The following ZNF22 variants were observed in gnomAD, a reference collection of about 807,000 sequenced individuals.
ZNF22 encodes the protein krox-26 protein.
ZNF22 carries 15 observed loss-of-function variants against 17.0 expected under a neutral mutation model. The ratio of observed to expected loss-of-function variants is 0.88; its 90% confidence interval spans 0.59 to 1.36. The LOEUF (loss-of-function observed/expected upper bound fraction) is 1.36, where lower values mean the gene tolerates loss of function less well. Ranked by LOEUF, ZNF22 falls within the 40% of genes most tolerant of loss-of-function variation. ZNF22 has a pLI of 0.00. For missense variants in ZNF22, 272 were observed against 276.1 expected (o/e 0.98, Z 0.11); for synonymous variants, 84 against 90.7 (o/e 0.93, Z 0.42).
chr10:45,003,224 G>GAT, intron 1 of ZNF22, 56 bp from the exon 2 acceptor site: 1 of 643,628 alleles, frequency 1.6e-6, no homozygotes, highest in Non-Finnish European at 2.5e-6. Flanking sequence ...ATAGTTAACA[G>GAT]ATATCTGTAA....
Position 45,004,097 on chromosome 10 carries a change from A to G in ZNF22, c.*54A>G. ...ACCTCTTAAGAAAAAATAAAAAGTA[A>G]AAAATGAAAGGAATCTTTTTTAGAA... is the stretch of plus-strand genomic sequence containing the variant. On this transcript the variant is annotated 3_prime_UTR_variant, in exon 2 of 2. Transcript: ENST00000298299. 6.6e-7 allele frequency: 1 copy of G among 1,509,896 alleles called. No homozygotes were observed. The highest frequency in any genetic ancestry group is 8.9e-7 in the Non-Finnish European group (1 of 1,126,996). The allele number at this position is 1,509,896 out of a possible 1,614,324, so 93.5% of individuals were successfully genotyped here. A position where few individuals can be genotyped will look rare whatever the true frequency, so the allele number is the denominator to read the frequency against.
At chr10:45,001,758 G>GA (rs1289094973) in intron 1 of ZNF22, among the ~76,000 whole-genome samples, 1 of 152,158 alleles carries the variant, frequency 6.6e-6, no homozygotes, top group African/African-American at 2.4e-5. Flanking sequence ...GTTACACAGT[G>GA]TCTGGCACAT....
At chr10:45,001,848 C>T (rs1842336165) in intron 1 of ZNF22, among the ~76,000 whole-genome samples, 2 of 150,968 alleles carry the variant, frequency 1.3e-5, no homozygotes, top group South Asian at 2.1e-4. Flanking sequence ...GTATTAAATG[C>T]GTGTGCTTTT....
intron 1 of ZNF22, among the ~76,000 whole-genome samples, chr10:45,001,517 G>C (rs1204617984): frequency 2.0e-5 from 3 of 152,152 alleles, no homozygotes; most frequent in African/African-American, 4.8e-5. Context: ...TGTCACTCAG[G>C]TTTAACTTCG....
rs752505124 is a variant in ZNF22 at position 45,003,450 on chromosome 10, C to T, written c.82C>T (p.Arg28Trp). 1.1e-5 allele frequency: 18 copies of T among 1,614,062 alleles called. No homozygotes were observed. The highest frequency in any genetic ancestry group is 2.7e-5 in the African/African-American group (2 of 74,922). Residue 28 changes from arginine (R) to tryptophan (W), a missense_variant, in exon 2 of 2, where the codon CGG becomes TGG. Coordinates refer to ENST00000298299, the MANE Select transcript of ZNF22 (RefSeq NM_006963.5). ...CTATGAGAACAAGCGCAAAACAGGCCGGCAGCGGCAGAAGTGGGGCATGAC... is the reference window on the plus strand; with the variant it reads ...CTATGAGAACAAGCGCAAAACAGGCTGGCAGCGGCAGAAGTGGGGCATGAC... ...KAYENKRKTG[R>W]QRQKWGMTIR...
intron 1 of ZNF22, chr10:45,002,803 A>G (rs1302663232): frequency 6.6e-6 from 1 of 152,404 alleles, no homozygotes; most frequent in East Asian, 1.9e-4. Flanking sequence ...TCATTTGGAT[A>G]CCTTAGGCAG....
At position 45,004,666 on chromosome 10, in the gene ZNF22, G is replaced by A. The variant is rs1265174360; in HGVS notation, c.*623G>A. ...GGACAGTTGTTAATGAAAGGAGTAA[G>A]GATTTCCCTTTTTTTGTTTTGTTTG... On this transcript the variant is annotated 3_prime_UTR_variant, in exon 2 of 2. Transcript: ENST00000298299. 1.2e-5 allele frequency: 2 copies of A among 166,578 alleles called. No individual in the cohort carries two copies. Among genetic ancestry groups the A allele is most frequent in the African/African-American group, 4.8e-5 (2 of 41,410 alleles). The allele number at this position is 166,578 out of a possible 1,614,324, so 10.3% of individuals were successfully genotyped here. A position where few individuals can be genotyped will look rare whatever the true frequency, so the allele number is the denominator to read the frequency against.
chr10:45,002,105 A>T (rs980144928), intron 1 of ZNF22: 1 of 152,248 alleles, frequency 6.6e-6, no homozygotes, highest in Non-Finnish European at 1.5e-5. Flanking sequence ...CAATAAGATG[A>T]AAGGAAGGCA....
chr10:45,003,960 C>T lies in ZNF22; in HGVS notation c.592C>T (p.Arg198Trp), dbSNP rs867738898. The T allele has an allele frequency of 1.9e-6, 3 of 1,614,042 alleles. No homozygotes were observed. Among genetic ancestry groups the T allele is most frequent in the African/African-American group, 1.3e-5 (1 of 75,008 alleles). Residue 198 changes from arginine to tryptophan, a missense_variant, in exon 2 of 2, where the codon CGG (arginine) becomes TGG (tryptophan). Transcript: ENST00000298299. The stretch of plus-strand genomic sequence containing the variant: ...TAAAGAAGAGAAGCCTCGTAAAACC[C>T]GGGGCAAAAATATCAGGGTGAAGAC... ...VHKEEKPRKTRGKNIRVKTHL... is the reference protein window; with the variant it reads ...VHKEEKPRKTWGKNIRVKTHL...
In ZNF22 at chr10:45,004,859, C is replaced by T. The variant is rs1028492264; in HGVS notation, c.*816C>T. 7.8e-5 allele frequency: 13 copies of T among 167,084 alleles called. No individual in the cohort carries two copies. The highest frequency in any genetic ancestry group is 3.1e-4 in the African/African-American group (13 of 41,450). The allele number at this position is 167,084 out of a possible 1,614,324, so 10.4% of individuals were successfully genotyped here. On this transcript the variant is annotated 3_prime_UTR_variant, in exon 2 of 2. Coordinates refer to ENST00000298299, the MANE Select transcript of ZNF22 (RefSeq NM_006963.5). The stretch of plus-strand genomic sequence containing the variant: ...ATTCATGTCGATACATCCCCATGCC[C>T]TTGACCTCTTCTGGCATTCTCCTGT...
intron 1 of ZNF22, 146 bp from the exon 2 acceptor site, chr10:45,003,134 T>C (rs1002573003): frequency 2.7e-6 from 1 of 376,348 alleles, no homozygotes; most frequent in Non-Finnish European, 4.7e-6. Context: ...TTTCCCCCCA[T>C]ATTATCTTTG....
At position 45,000,971 on chromosome 10, in the gene ZNF22, C is replaced by T. The variant is rs1588860003; in HGVS notation, c.-97C>T. ...CCAGCGAGCCAGAGTGGTGGCTGGT[C>T]CCGCGCGGTGAGTGGGATTGGGGCA... is the stretch of plus-strand genomic sequence containing the variant. On this transcript the variant is annotated 5_prime_UTR_variant, in exon 1 of 2. Transcript: ENST00000298299. The T allele has an allele frequency of 2.4e-6, 2 of 842,430 alleles. No individual in the cohort carries two copies. Among genetic ancestry groups the T allele is most frequent in the South Asian group, 2.4e-5 (1 of 41,898 alleles). 52.2% of individuals were successfully genotyped at this position (842,430 alleles called of 1,614,324 possible). A position where few individuals can be genotyped will look rare whatever the true frequency, so the allele number is the denominator to read the frequency against.
intron 1 of ZNF22, chr10:45,002,614 A>G (rs1842343413): frequency 1.3e-5 from 2 of 152,254 alleles, no homozygotes; most frequent in South Asian, 2.1e-4. Flanking sequence ...AAAACCAATA[A>G]TAAAGCGTGT....
Position 45,004,167 on chromosome 10 carries a change from C to A in ZNF22, c.*124C>A. ...GATCACTTAAATACTGGATCTTTTG[C>A]TAGTGTGAAAACATTGGGAATTTAA... On this transcript the variant is annotated 3_prime_UTR_variant, in exon 2 of 2. Transcript: ENST00000298299. 9.3e-7 allele frequency: 1 copy of A among 1,071,476 alleles called. No individual in the cohort carries two copies. The highest frequency in any genetic ancestry group is 1.3e-6 in the Non-Finnish European group (1 of 766,332). The allele number at this position is 1,071,476 out of a possible 1,614,324, so 66.4% of individuals were successfully genotyped here.
Position 45,000,953 on chromosome 10 carries a change from G to A in ZNF22, c.-115G>A, listed in dbSNP as rs1359181495. On this transcript the variant is annotated 5_prime_UTR_variant, in exon 1 of 2. Transcript: ENST00000298299. ...CGGCGGCGCGGGAGGCGCCCAGCGAGCCAGAGTGGTGGCTGGTCCCGCGCG... is the reference window on the plus strand; with the variant it reads ...CGGCGGCGCGGGAGGCGCCCAGCGAACCAGAGTGGTGGCTGGTCCCGCGCG... 23 of 1,006,190 alleles carry A rather than the reference G, an allele frequency of 2.3e-5. No individual in the cohort carries two copies. The highest frequency in any genetic ancestry group is 2.7e-5 in the Non-Finnish European group (21 of 780,508). The allele number at this position is 1,006,190 out of a possible 1,614,324, so 62.3% of individuals were successfully genotyped here.
chr10:45,003,872 G>A lies in ZNF22; in HGVS notation c.504G>A (p.Gln168=). The A allele has an allele frequency of 6.2e-7, 1 of 1,614,188 alleles. No individual in the cohort carries two copies. The highest frequency in any genetic ancestry group is 1.3e-5 in the African/African-American group (1 of 75,042). The part of the protein sequence containing the change: ...QRTHTGEKPY[Q]CSECGKCFSQ... ...CCCACACTGGGGAGAAACCCTACCA[G>A]TGCAGTGAATGTGGCAAATGTTTCA... The change falls in exon 2 of 2, where the codon CAG becomes CAA. Residue 168 remains glutamine, a synonymous_variant. Transcript: ENST00000298299.
chr10:45,001,324 C>T (rs1226439578), intron 1 of ZNF22, among the ~76,000 whole-genome samples: 1 of 152,102 alleles, frequency 6.6e-6, no homozygotes, highest in Non-Finnish European at 1.5e-5. Context: ...TCGGAGCGTT[C>T]GAGGACTAGA....
At chr10:45,002,677 A>G (rs542610418) in intron 1 of ZNF22, 5 of 152,250 alleles carry the variant, frequency 3.3e-5, no homozygotes, top group East Asian at 3.8e-4. Context: ...TCAATTTTCA[A>G]AACACTTTAT....
At chr10:45,001,669 G>A (rs1440126598) in intron 1 of ZNF22, among the ~76,000 whole-genome samples, 1 of 152,160 alleles carries the variant, frequency 6.6e-6, no homozygotes, top group Non-Finnish European at 1.5e-5. Context: ...TTCTAGCATT[G>A]TGCCCTCGTT....
Sources: gnomAD v4.1 joint callset for allele counts (sites outside exome capture counted in the v4.1 genomes callset) on GRCh38, gnomAD v4.1.1 for gene constraint, MANE v1.5 for transcripts, NCBI Gene and HGNC (gene_info 2026-07-23, HGNC 2026-07-21) for gene names.